Variants in AGPAT5 observed in about 807,000 individuals in gnomAD.
The protein encoded by AGPAT5 is 1-acylglycerol-3-phosphate O-acyltransferase 5, also known as 1-acyl-sn-glycerol-3-phosphate acyltransferase epsilon.
In AGPAT5, 46 loss-of-function variants were observed where a neutral mutation model predicts 45.6. The observed-to-expected ratio is 1.01, with a 90% CI of 0.80 to 1.29. AGPAT5 has a LOEUF of 1.29. AGPAT5 is among the 50% of genes most tolerant of loss of function. AGPAT5 has a pLI of 0.00. For synonymous variants in AGPAT5, 272 were observed against 167.0 expected (o/e 1.63, Z -4.85); for missense variants, 673 against 450.7 (o/e 1.49, Z -4.47).
At chr8:6,757,077 C>T in intron 7 of AGPAT5, 86 bp from the exon 8 acceptor site, 12 of 987,220 alleles carry the variant, frequency 1.2e-5, no homozygotes, top group Non-Finnish European at 1.8e-5. Flanking sequence ...ATAACTTTTC[C>T]AGCGTGTAAT....
At chr8:6,735,886 G>T (rs904671350) in intron 4 of AGPAT5, among the ~76,000 whole-genome samples, 3 of 127,292 alleles carry the variant, frequency 2.4e-5, no homozygotes, top group Non-Finnish European at 4.7e-5. Flanking sequence ...TTGGAGTCTC[G>T]GTCTGTCACC....
chr8:6,745,877 C>A (rs1263931189), intron 5 of AGPAT5: 1 of 152,136 alleles, frequency 6.6e-6, no homozygotes, highest in South Asian at 2.1e-4. Flanking sequence ...ACCATATTTC[C>A]AACTACTTCT....
intron 5 of AGPAT5, among the ~76,000 whole-genome samples, chr8:6,742,117 A>G (rs1429151272): frequency 6.6e-6 from 1 of 152,162 alleles, no homozygotes; most frequent in Non-Finnish European, 1.5e-5. Context: ...TTGGAGTCCA[A>G]ACTCGTACTT....
At chr8:6,740,499 A>G (rs1426804128) in intron 4 of AGPAT5, among the ~76,000 whole-genome samples, 1 of 148,204 alleles carries the variant, frequency 6.7e-6, no homozygotes, top group Non-Finnish European at 1.5e-5. Flanking sequence ...AATAATATTA[A>G]TTATTAAAAA....
rs1186493383 is a variant in AGPAT5, at chr8:6,747,695, A to G, written c.612A>G (p.Leu204=). The G allele has an allele frequency of 1.2e-6, 2 of 1,614,072 alleles. No individual in the cohort carries two copies. ...GCCTTGCAGTATTAAAACATGTGCTAACACCACGAATAAAGGCAACTCACG... is the reference window on the plus strand; with the variant it reads ...GCCTTGCAGTATTAAAACATGTGCTGACACCACGAATAAAGGCAACTCACG... ...QRGLAVLKHV[L]TPRIKATHVA... Residue 204 remains leucine, a synonymous_variant, in exon 6 of 8, where the codon CTA becomes CTG. Coordinates refer to ENST00000285518, the MANE Select transcript of AGPAT5 (RefSeq NM_018361.5).
At chr8:6,718,697 C>G (rs188029452) in intron 1 of AGPAT5, among the ~76,000 whole-genome samples, 137 of 152,326 alleles carry the variant, frequency 9.0e-4, no homozygotes, top group African/African-American at 3.2e-3. Context: ...TTGCCCTGTT[C>G]TTATGATACT....
At position 6,759,000 on chromosome 8, in the gene AGPAT5, A is replaced by G. The variant is rs2928583; in HGVS notation, c.*1612A>G. 10,477 of 152,394 alleles carry G rather than the reference A, an allele frequency of 0.069. 953 individuals carry two copies. Among genetic ancestry groups the G allele is most frequent in the African/African-American group, 0.21 (8,827 of 41,492 alleles). 9.4% of individuals were successfully genotyped at this position (152,394 alleles called of 1,614,324 possible). ...TGCCAGAGAATAAACTCTTTCAAGC[A>G]TCATCTTTGAAGAGTCGTGTGGTGT... On this transcript the variant is annotated 3_prime_UTR_variant, in exon 8 of 8. Transcript: ENST00000285518.
At chr8:6,718,464 G>A (rs1221707797) in intron 1 of AGPAT5, among the ~76,000 whole-genome samples, 2 of 151,914 alleles carry the variant, frequency 1.3e-5, no homozygotes, top group Non-Finnish European at 2.9e-5. Context: ...CAGAGTTGAC[G>A]TGAGACAGAC....
rs746699984 is a variant in AGPAT5, at chr8:6,756,243, G to A, written c.870-920G>A. Reference sequence around the variant, plus strand: ...CCTTTCTAATTCTGTGGGAATAAAGGCGTTTTTGAGACAGCCCAGGTGCAG... The same window carrying A: ...CCTTTCTAATTCTGTGGGAATAAAGACGTTTTTGAGACAGCCCAGGTGCAG... On this transcript the variant is annotated intron_variant, in intron 7 of 7. Transcript: ENST00000285518. 4.6e-4 allele frequency among the ~76,000 whole-genome samples: 70 copies of A among 152,154 alleles called. 2 individuals are homozygous for A. The Middle Eastern group carries it at 0.014, about 30-fold the overall frequency.
intron 1 of AGPAT5, chr8:6,709,121 C>T: frequency 1.7e-6 from 1 of 586,648 alleles, no homozygotes; most frequent in South Asian, 2.0e-5. Flanking sequence ...ACCCGCCGCC[C>T]CTTTCCCCGC....
At chr8:6,750,070 A>G (rs1428096684) in intron 6 of AGPAT5, among the ~76,000 whole-genome samples, 1 of 152,144 alleles carries the variant, frequency 6.6e-6, no homozygotes, top group Non-Finnish European at 1.5e-5. Flanking sequence ...ACAGGAAACC[A>G]CCCTCTCTTT....
intron 5 of AGPAT5, among the ~76,000 whole-genome samples, chr8:6,742,823 G>A (rs938936744): frequency 1.3e-5 from 2 of 152,110 alleles, no homozygotes; most frequent in Non-Finnish European, 2.9e-5. Context: ...ATTAAGTAAG[G>A]AGTGTTTCAG....
At chr8:6,723,681 A>C (rs1432418670) in intron 1 of AGPAT5, among the ~76,000 whole-genome samples, 3 of 152,236 alleles carry the variant, frequency 2.0e-5, no homozygotes. Context: ...AAACTTTATG[A>C]ATAAAAACTC....
chr8:6,740,950 G>C (rs180776234), intron 4 of AGPAT5, among the ~76,000 whole-genome samples: 33 of 152,240 alleles, frequency 2.2e-4, no homozygotes, highest in Non-Finnish European at 4.0e-4. Flanking sequence ...TTGTAACTCA[G>C]TTCTCAAGCT....
chr8:6,758,408 C>G lies in AGPAT5; in HGVS notation c.*1020C>G, dbSNP rs1013686697. ...GGTGGATTCCCACTGGGCTCTGGTC[C>G]TTCCCTTGGATCCCGTCAGTGGTGC... On this transcript the variant is annotated 3_prime_UTR_variant, in exon 8 of 8. Transcript: ENST00000285518. The G allele has an allele frequency of 6.5e-6, 1 of 152,674 alleles. No homozygotes were observed. Among genetic ancestry groups the G allele is most frequent in the African/African-American group, 2.4e-5 (1 of 41,458 alleles). The allele number at this position is 152,674 out of a possible 1,614,324, so 9.5% of individuals were successfully genotyped here.
At chr8:6,749,176 T>C (rs6989392) in intron 6 of AGPAT5, among the ~76,000 whole-genome samples, 5,704 of 152,238 alleles carry the variant, frequency 0.037, 258 homozygotes, top group African/African-American at 0.1. Flanking sequence ...GTCTGTTAAA[T>C]AATGATAAGA....
chr8:6,753,092 C>T (rs1053640762), intron 6 of AGPAT5, among the ~76,000 whole-genome samples: 2 of 152,190 alleles, frequency 1.3e-5, no homozygotes, highest in African/African-American at 4.8e-5. Context: ...TTAACATACT[C>T]AAAAGCATGC....
chr8:6,717,836 A>G (rs184035327), intron 1 of AGPAT5, among the ~76,000 whole-genome samples: 9 of 152,354 alleles, frequency 5.9e-5, no homozygotes, highest in African/African-American at 1.9e-4. Context: ...AGTGAAAAAA[A>G]TTACATAAGC....
Position 6,752,031 on chromosome 8 carries a change from G to T in AGPAT5, c.746-3020G>T, listed in dbSNP as rs143053071. On this transcript the variant is annotated intron_variant, in intron 6 of 7. Transcript: ENST00000285518. ...ATCTCTACTAAAAATACAAAAATTA[G>T]CCGGGCACAGTGGTAGGCACCTGTA... Among the ~76,000 whole-genome samples the T allele has an allele frequency of 2.0e-3, 311 of 152,188 alleles. 1 individual carries two copies. The Middle Eastern group carries it at 0.024, about 12-fold the overall frequency.
Sources: allele counts gnomAD v4.1 joint callset (sites outside exome capture counted in the v4.1 genomes callset), GRCh38; gene constraint gnomAD v4.1.1; transcripts MANE v1.5; gene names NCBI Gene and HGNC (gene_info 2026-07-23, HGNC 2026-07-21).